The following EML4 variants were observed in gnomAD, a reference collection of about 807,000 sequenced individuals.
EML4 encodes the protein echinoderm microtubule-associated protein-like 4.
In EML4, 72 loss-of-function variants were observed where a neutral mutation model predicts 129.0. The ratio of observed to expected loss-of-function variants is 0.56; its 90% CI spans 0.46 to 0.68. The LOEUF (loss-of-function observed/expected upper bound fraction) is 0.68, where lower values mean the gene tolerates loss of function less well. Among genes scored for constraint, EML4 ranks in the 30% least tolerant of loss-of-function variants. The pLI is 0.00. For synonymous variants in EML4, 532 were observed against 405.0 expected (o/e 1.31, Z -3.77); for missense variants, 1,363 against 1,190.6 (o/e 1.14, Z -2.13).
Position 42,245,613 on chromosome 2 carries a change from T to C in EML4, c.134T>C (p.Leu45Ser). 1 of 1,613,834 alleles carries C rather than the reference T, an allele frequency of 6.2e-7. No homozygotes were observed. The highest frequency in any genetic ancestry group is 8.5e-7 in the Non-Finnish European group (1 of 1,179,818). ...GAAATCACTGTGCTAAAGGCGGCTT[T>C]GGCTGATGTTTTGAGGCGTCTTGCA... Reference protein sequence around the residue: ...EDEITVLKAALADVLRRLAIS... With the variant: ...EDEITVLKAASADVLRRLAIS... Residue 45 changes from leucine (L) to serine (S), a missense_variant, in exon 2 of 23, where the codon TTG becomes TCG. Coordinates refer to ENST00000318522, the MANE Select transcript of EML4 (RefSeq NM_019063.5).
chr2:42,204,498 C>T (rs1015062148), intron 1 of EML4, among the ~76,000 whole-genome samples: 1 of 152,096 alleles, frequency 6.6e-6, no homozygotes, highest in African/African-American at 2.4e-5. Flanking sequence ...ATTGACAGTA[C>T]CCAAAAGAAT....
intron 17 of EML4, among the ~76,000 whole-genome samples, chr2:42,314,555 T>A (rs1454976526): frequency 6.6e-6 from 1 of 152,248 alleles, no homozygotes; most frequent in East Asian, 1.9e-4. Context: ...AGTCTTGTCC[T>A]GTTTTTTCCA....
chr2:42,294,887 T>C (rs1667857663), intron 11 of EML4, among the ~76,000 whole-genome samples: 2 of 152,212 alleles, frequency 1.3e-5, no homozygotes, highest in African/African-American at 4.8e-5. Context: ...CATATAAGTG[T>C]CTTTCTAATG....
chr2:42,329,640 T>C (rs1401622034), intron 22 of EML4, 94 bp from the exon 23 acceptor site: 2 of 996,876 alleles, frequency 2.0e-6, no homozygotes, highest in Non-Finnish European at 3.0e-6. Context: ...TTTCACAAGC[T>C]GAGTTTACCC....
intron 1 of EML4, among the ~76,000 whole-genome samples, chr2:42,171,036 C>G (rs961840382): frequency 1.3e-5 from 2 of 152,162 alleles, no homozygotes; most frequent in Non-Finnish European, 2.9e-5. Context: ...TAGGAGGCAA[C>G]TGAGTGTTGT....
intron 1 of EML4, among the ~76,000 whole-genome samples, chr2:42,232,219 T>G (rs957090181): frequency 2.0e-5 from 3 of 152,086 alleles, no homozygotes; most frequent in African/African-American, 2.4e-5. Context: ...GTACATAATA[T>G]ACAAATTAGT....
rs1670058804 is a variant in EML4, at chr2:42,330,676, T to C, written c.*469T>C. ...AGAAAAAAATGTACTCTTACTGAGA[T>C]ACCCTCTCACCCCAAATGTGTAATG... is the stretch of plus-strand genomic sequence containing the variant. On this transcript the variant is annotated 3_prime_UTR_variant, in exon 23 of 23. Transcript: ENST00000318522. 3.9e-6 allele frequency: 1 copy of C among 254,824 alleles called. No individual in the cohort carries two copies. Among genetic ancestry groups the C allele is most frequent in the South Asian group, 7.5e-5 (1 of 13,278 alleles). 15.8% of individuals were successfully genotyped at this position (254,824 alleles called of 1,614,324 possible).
chr2:42,288,401 A>G, intron 11 of EML4, 79 bp downstream of exon 11: 1 of 667,278 alleles, frequency 1.5e-6, no homozygotes. Context: ...TATTGGTATT[A>G]GAACTATCTA....
intron 1 of EML4, among the ~76,000 whole-genome samples, chr2:42,184,764 A>G (rs1671148478): frequency 6.6e-6 from 1 of 152,164 alleles, no homozygotes; most frequent in Admixed American, 6.5e-5. Context: ...TTTTCCTTAC[A>G]GAGATCAATC....
chr2:42,286,407 C>T (rs1440830018), intron 10 of EML4, 28 bp downstream of exon 10: 2 of 1,318,562 alleles, frequency 1.5e-6, no homozygotes, highest in Non-Finnish European at 1.1e-6. Context: ...GAGAAGTAAG[C>T]AAGCTGAACA....
At chr2:42,325,975 T>A (rs765866078) in intron 20 of EML4, 179 bp from the exon 21 acceptor site, 1 of 520,844 alleles carries the variant, frequency 1.9e-6, no homozygotes, top group Non-Finnish European at 2.5e-6. Context: ...GGAAACAGTT[T>A]GTAGTTTTAT....
At chr2:42,329,381 G>A (rs1194558275) in intron 22 of EML4, among the ~76,000 whole-genome samples, 1 of 152,176 alleles carries the variant, frequency 6.6e-6, no homozygotes, top group Non-Finnish European at 1.5e-5. Context: ...CGAATGTCCT[G>A]TAATCCTACC....
intron 17 of EML4, among the ~76,000 whole-genome samples, chr2:42,306,625 T>A (rs1452203776): frequency 4.0e-5 from 6 of 150,784 alleles, no homozygotes; most frequent in Non-Finnish European, 7.4e-5. Context: ...CCAAAGTAGC[T>A]GGGACTACAG....
intron 1 of EML4, among the ~76,000 whole-genome samples, chr2:42,212,852 G>A (rs1389951391): frequency 1.3e-5 from 2 of 152,198 alleles, no homozygotes; most frequent in Admixed American, 1.3e-4. Context: ...GGAATTGGCA[G>A]TATTGTGTAG....
chr2:42,221,403 C>CTGTTTTTTTTTTT (rs1673585343), intron 1 of EML4, among the ~76,000 whole-genome samples: 1 of 108,256 alleles, frequency 9.2e-6, no homozygotes, highest in Non-Finnish European at 1.9e-5. Flanking sequence ...ACATGGTTTA[C>CTGTTTTTTTTTTT]TTTTTTTTTT....
At chr2:42,214,199 T>C (rs1410725316) in intron 1 of EML4, among the ~76,000 whole-genome samples, 2 of 152,218 alleles carry the variant, frequency 1.3e-5, no homozygotes, top group African/African-American at 4.8e-5. Flanking sequence ...AGATGTCAGA[T>C]AGTGGATTCG....
rs371060872 is a variant in EML4, at chr2:42,245,525, A to G, written c.46A>G (p.Ser16Gly). 1.1e-5 allele frequency: 18 copies of G among 1,613,088 alleles called. No individual in the cohort carries two copies. Among genetic ancestry groups the G allele is most frequent in the South Asian group, 2.2e-5 (2 of 90,978 alleles). The change falls in exon 2 of 23, where the codon AGT (serine) becomes GGT (glycine). Residue 16 changes from serine to glycine, a missense_variant. By Grantham distance (56) the Ser-to-Gly change is moderately conservative. Coordinates refer to ENST00000318522, the MANE Select transcript of EML4 (RefSeq NM_019063.5). ...GSLDDSISAASTSDVQDRLSA... is the reference protein window; with the variant it reads ...GSLDDSISAAGTSDVQDRLSA... ...TATAGATGATAGTATTTCTGCTGCAAGTACTTCTGATGTTCAAGATCGCCT... is the reference window on the plus strand; with the variant it reads ...TATAGATGATAGTATTTCTGCTGCAGGTACTTCTGATGTTCAAGATCGCCT...
In EML4 at chr2:42,295,187, A is replaced by T. The variant is rs1667872847; in HGVS notation, c.1281A>T (p.Thr427=). The T allele has an allele frequency of 6.2e-7, 1 of 1,613,164 alleles. No individual in the cohort carries two copies. The highest frequency in any genetic ancestry group is 8.5e-7 in the Non-Finnish European group (1 of 1,179,708). ...FHPTDANTII[T]CGKSHIFFWT... ...CAACAGATGCAAATACCATAATTAC[A>T]TGCGGTAAATCTCATATTTTCTTCT... The change falls in exon 12 of 23, where the codon ACA becomes ACT. Residue 427 remains threonine (T), a synonymous_variant. Coordinates refer to ENST00000318522, the MANE Select transcript of EML4 (RefSeq NM_019063.5).
chr2:42,290,716 A>G (rs1182974767), intron 11 of EML4, among the ~76,000 whole-genome samples: 1 of 152,200 alleles, frequency 6.6e-6, no homozygotes, highest in Non-Finnish European at 1.5e-5. Flanking sequence ...AGGGGAACAG[A>G]GCGAGACCCT....
Sources: gnomAD v4.1 joint callset for allele counts (sites outside exome capture counted in the v4.1 genomes callset) on GRCh38, gnomAD v4.1.1 for gene constraint, MANE v1.5 for transcripts, NCBI Gene and HGNC (gene_info 2026-07-23, HGNC 2026-07-21) for gene names.